Variants in CSMD1 observed in about 807,000 individuals in gnomAD.
CSMD1 encodes the protein CUB and sushi domain-containing protein 1.
A neutral mutation model predicts 417.5 loss-of-function variants in CSMD1; 213 were observed. The observed-to-expected ratio is 0.51, with a 90% CI of 0.46 to 0.57. CSMD1 has a LOEUF of 0.57. CSMD1 is among the 20% of genes least tolerant of loss of function. The probability of loss-of-function intolerance (pLI) is 0.00; values close to 1 mark genes in which losing one functional copy is unlikely to be tolerated. For missense variants in CSMD1, 6,923 were observed against 4,529.7 expected (o/e 1.53, Z -15.17); for synonymous variants, 2,862 against 1,736.8 (o/e 1.65, Z -16.11).
intron 5 of CSMD1, among the ~76,000 whole-genome samples, chr8:3,843,433 TTAAGAA>T (rs1223318942): frequency 1.3e-5 from 2 of 152,088 alleles, no homozygotes; most frequent in African/African-American, 2.4e-5. Context: ...TTCAGAGTAA[TTAAGAA>T]TAACAGCCAG....
chr8:3,672,946 A>G (rs1799155884), intron 7 of CSMD1, among the ~76,000 whole-genome samples: 1 of 152,308 alleles, frequency 6.6e-6, no homozygotes, highest in East Asian at 1.9e-4. Flanking sequence ...AGGAGAATCA[A>G]TAACTTATCT....
chr8:4,362,708 G>T (rs1235295238), intron 3 of CSMD1, among the ~76,000 whole-genome samples: 1 of 152,330 alleles, frequency 6.6e-6, no homozygotes, highest in Middle Eastern at 3.4e-3. Flanking sequence ...AGATTTGTAA[G>T]AGAAAAGGAC....
chr8:2,961,160 T>C lies in CSMD1; in HGVS notation c.9683A>G (p.Asn3228Ser), dbSNP rs1011366580. Residue 3228 changes from asparagine (N) to serine (S), a missense_variant, in exon 62 of 70, where the codon AAT (asparagine) becomes AGT (serine). Physicochemically the swap from Asn to Ser is conservative, Grantham distance 46. Transcript: ENST00000635120. ...AACTACCTCATAGCCTCTGGAGCTA[T>C]TCTGTATTCCAAAGTGTGGCGTACC... ...DPGTPHFGIQ[N>S]SSRGYEVGST... The C allele has an allele frequency of 4.4e-6, 7 of 1,600,196 alleles. No homozygotes were observed. The highest frequency in any genetic ancestry group is 2.2e-5 in the East Asian group (1 of 44,502).
At chr8:4,868,256 CAG>C (rs1802531747) in intron 1 of CSMD1, among the ~76,000 whole-genome samples, 1 of 152,158 alleles carries the variant, frequency 6.6e-6, no homozygotes, top group Admixed American at 6.5e-5. Flanking sequence ...TCCTTTAAGA[CAG>C]AGTTTCACAC....
At chr8:3,945,862 A>G (rs1452263292) in intron 5 of CSMD1, among the ~76,000 whole-genome samples, 3 of 152,112 alleles carry the variant, frequency 2.0e-5, no homozygotes, top group Non-Finnish European at 4.4e-5. Context: ...GTGAATCATT[A>G]TTCCAGAAAT....
intron 7 of CSMD1, among the ~76,000 whole-genome samples, chr8:3,671,095 T>C: frequency 6.9e-6 from 1 of 145,762 alleles, no homozygotes; most frequent in African/African-American, 2.5e-5. Flanking sequence ...AAGGGATATA[T>C]ATGTATGGGA....
In CSMD1 at chr8:2,937,671, T is replaced by G. The variant is rs890719097; in HGVS notation, c.*914A>C. 6.6e-6 allele frequency: 1 copy of G among 152,214 alleles called. No individual in the cohort carries two copies. Among genetic ancestry groups the G allele is most frequent in the Non-Finnish European group, 1.5e-5 (1 of 68,026 alleles). 9.4% of individuals were successfully genotyped at this position (152,214 alleles called of 1,614,324 possible). On this transcript the variant is annotated 3_prime_UTR_variant, in exon 70 of 70. Coordinates refer to ENST00000635120, the MANE Select transcript of CSMD1 (RefSeq NM_033225.6). ...TAAGGAGGCTTCTGTTTTTTTCTCA[T>G]TGGACCTCTTCAATGAATTCAACAC...
chr8:3,778,152 G>C (rs566540285), intron 5 of CSMD1, among the ~76,000 whole-genome samples: 1 of 152,352 alleles, frequency 6.6e-6, no homozygotes, highest in Admixed American at 6.5e-5. Context: ...GTGGAAAAAT[G>C]TGTCAGGATA....
At chr8:4,495,120 C>T (rs7010197) in intron 2 of CSMD1, among the ~76,000 whole-genome samples, 11 of 151,922 alleles carry the variant, frequency 7.2e-5, no homozygotes, top group Admixed American at 7.2e-4. Context: ...ACATGGACAA[C>T]AGGCAGCATT....
intron 7 of CSMD1, among the ~76,000 whole-genome samples, chr8:3,702,875 A>G (rs1272720111): frequency 6.6e-6 from 1 of 152,202 alleles, no homozygotes; most frequent in Non-Finnish European, 1.5e-5. Flanking sequence ...TTTCTTTGGT[A>G]TTGAAATAAT....
At chr8:3,964,408 T>A (rs765228266) in intron 5 of CSMD1, among the ~76,000 whole-genome samples, 1 of 152,110 alleles carries the variant, frequency 6.6e-6, no homozygotes, top group Non-Finnish European at 1.5e-5. Flanking sequence ...TTAGCATAGC[T>A]CCTGTTTTTT....
chr8:3,628,551 T>G (rs968131861), intron 7 of CSMD1, among the ~76,000 whole-genome samples: 8 of 152,186 alleles, frequency 5.3e-5, no homozygotes, highest in Admixed American at 1.3e-4. Flanking sequence ...CAGAGCTGGT[T>G]GGATGCCACT....
intron 3 of CSMD1, among the ~76,000 whole-genome samples, chr8:4,220,539 T>C (rs764892770): frequency 6.6e-6 from 1 of 152,202 alleles, no homozygotes; most frequent in African/African-American, 2.4e-5. Flanking sequence ...CATGGAGACA[T>C]TACTAAACAA....
At chr8:3,705,136 G>A (rs1381442062) in intron 7 of CSMD1, among the ~76,000 whole-genome samples, 1 of 152,120 alleles carries the variant, frequency 6.6e-6, no homozygotes, top group African/African-American at 2.4e-5. Context: ...GGTGAATCTG[G>A]GGACACCACC....
At chr8:3,106,785 TTAAAAATAATA>T in intron 45 of CSMD1, 144 bp from the exon 46 acceptor site, 1 of 518,774 alleles carries the variant, frequency 1.9e-6, no homozygotes, top group Non-Finnish European at 3.5e-6. Flanking sequence ...TTTTAGTCTT[TTAAAAATAATA>T]CCGTTTTAAG....
Position 3,741,824 on chromosome 8 carries a change from C to T in CSMD1, c.931+12106G>A, listed in dbSNP as rs1796820464. ...CATGGCCCTTCTACCCTTTCTTTCT[C>T]AAATGTGCTCAAGTCGGCTTTAGCA... On this transcript the variant is annotated intron_variant, in intron 6 of 69. Transcript: ENST00000635120. Among the ~76,000 whole-genome samples, 5 of 152,226 alleles carry T rather than the reference C, an allele frequency of 3.3e-5. 1 individual carries two copies. The South Asian group carries it at 1.0e-3, about 32-fold the overall frequency.
intron 6 of CSMD1, among the ~76,000 whole-genome samples, chr8:3,716,832 C>T (rs747055066): frequency 6.6e-6 from 1 of 151,996 alleles, no homozygotes; most frequent in Non-Finnish European, 1.5e-5. Flanking sequence ...TGGTAGTCAT[C>T]TAATAAAACA....
intron 8 of CSMD1, among the ~76,000 whole-genome samples, chr8:3,598,755 CTTCTT>C (rs1801213723): frequency 6.6e-6 from 1 of 152,102 alleles, no homozygotes; most frequent in Admixed American, 6.5e-5. Context: ...CCCCCCGCCC[CTTCTT>C]TTGAGAACAG....
chr8:4,304,351 T>C (rs113876085), intron 3 of CSMD1, among the ~76,000 whole-genome samples: 14,472 of 152,156 alleles, frequency 0.095, 1,931 homozygotes, highest in African/African-American at 0.3. Context: ...CTTAGATACA[T>C]TCCATTTGAT....
Sources: allele counts gnomAD v4.1 joint callset (sites outside exome capture counted in the v4.1 genomes callset), GRCh38; gene constraint gnomAD v4.1.1; transcripts MANE v1.5; gene names NCBI Gene and HGNC (gene_info 2026-07-23, HGNC 2026-07-21).